NEGR1: variants seen among roughly 807,000 people sequenced by gnomAD.
The protein encoded by NEGR1 is IgLON family member 4.
In NEGR1, 10 loss-of-function variants were observed where a neutral mutation model predicts 40.9. That is an observed-to-expected ratio of 0.24 (90% CI 0.15 to 0.42). The LOEUF is 0.42. NEGR1 is among the 10% of genes least tolerant of loss of function. The pLI is 1.00. For missense variants in NEGR1, 352 were observed against 438.9 expected (o/e 0.80, Z 1.77); for synonymous variants, 185 against 166.8 (o/e 1.11, Z -0.84).
Position 71,601,308 on chromosome 1 carries a change from C to CA in NEGR1, c.789-8341dup, listed in dbSNP as rs550149856. On this transcript the variant is annotated intron_variant, in intron 5 of 6. Transcript: ENST00000357731. ...GTCAAAATGGCTATTATTAAAAAGT[C>CA]AAAAAAACAACAGATGTTGGTGTGG... Among the ~76,000 whole-genome samples the CA allele has an allele frequency of 4.8e-3, 733 of 151,948 alleles. 11 individuals are homozygous for CA. The highest frequency in any genetic ancestry group is 0.017 in the African/African-American group (709 of 41,444).
At chr1:72,190,396 C>G (rs1311113323) in intron 1 of NEGR1, among the ~76,000 whole-genome samples, 3 of 151,416 alleles carry the variant, frequency 2.0e-5, no homozygotes, top group Non-Finnish European at 4.4e-5. Flanking sequence ...CATGAAATCC[C>G]TTGATAATTG....
At chr1:72,250,948 C>A (rs1308758719) in intron 1 of NEGR1, among the ~76,000 whole-genome samples, 3 of 152,110 alleles carry the variant, frequency 2.0e-5, no homozygotes, top group Non-Finnish European at 4.4e-5. Flanking sequence ...GTACTACTGC[C>A]CAGCATGCTA....
chr1:71,703,225 T>C (rs1388358640), intron 3 of NEGR1: 3 of 152,126 alleles, frequency 2.0e-5, no homozygotes, highest in African/African-American at 7.2e-5. Flanking sequence ...CTTAGTTGTA[T>C]GGCTGAATAA....
chr1:72,168,487 C>T (rs1341448731), intron 1 of NEGR1, among the ~76,000 whole-genome samples: 1 of 151,988 alleles, frequency 6.6e-6, no homozygotes, highest in Non-Finnish European at 1.5e-5. Flanking sequence ...GGTGGGTTTT[C>T]TTCAAGTTAA....
At chr1:71,598,396 T>A (rs1372320880) in intron 5 of NEGR1, among the ~76,000 whole-genome samples, 1 of 152,180 alleles carries the variant, frequency 6.6e-6, no homozygotes, top group African/African-American at 2.4e-5. Flanking sequence ...ACTAAAAAAA[T>A]GATACTATCT....
intron 6 of NEGR1, among the ~76,000 whole-genome samples, chr1:71,531,794 G>A (rs1210704373): frequency 1.3e-5 from 2 of 151,414 alleles, no homozygotes; most frequent in Non-Finnish European, 3.0e-5. Context: ...GTTATATTAT[G>A]AGATTCTTTA....
chr1:71,496,466 C>T (rs1243263321), intron 6 of NEGR1, among the ~76,000 whole-genome samples: 1 of 151,898 alleles, frequency 6.6e-6, no homozygotes, highest in Admixed American at 6.6e-5. Context: ...TATTCGTTGG[C>T]CAGAAGTTTG....
intron 1 of NEGR1, among the ~76,000 whole-genome samples, chr1:71,955,059 A>G (rs1646108256): frequency 6.6e-6 from 1 of 152,178 alleles, no homozygotes; most frequent in Non-Finnish European, 1.5e-5. Flanking sequence ...ATTTAACCTC[A>G]ATTCCAACTG....
At chr1:71,562,628 A>G (rs939535040) in intron 6 of NEGR1, among the ~76,000 whole-genome samples, 1 of 151,970 alleles carries the variant, frequency 6.6e-6, no homozygotes, top group African/African-American at 2.4e-5. Context: ...TTAAAAATGT[A>G]TGAAATTACT....
chr1:72,056,317 A>T (rs1647109882), intron 1 of NEGR1, among the ~76,000 whole-genome samples: 1 of 151,324 alleles, frequency 6.6e-6, no homozygotes, highest in South Asian at 2.1e-4. Context: ...GGAATGAAAA[A>T]TTTATTTTTC....
At position 72,135,382 on chromosome 1, in the gene NEGR1, A is replaced by C. The variant is rs866625657; in HGVS notation, c.176+146937T>G. The stretch of plus-strand genomic sequence containing the variant: ...CAGAGCGAGACTCCGTCTCAAAAAA[A>C]AAAAAAACAAAAAACAAAAAACAAA... On this transcript the variant is annotated intron_variant, in intron 1 of 6. Transcript: ENST00000357731. Among the ~76,000 whole-genome samples the C allele has an allele frequency of 2.8e-3, 401 of 142,032 alleles. 1 individual carries two copies. The highest frequency in any genetic ancestry group is 9.9e-3 in the African/African-American group (383 of 38,536). The allele number at this position is 142,032 out of a possible 152,430, so 93.2% of individuals were successfully genotyped here.
chr1:72,077,829 G>T (rs2100521662), intron 1 of NEGR1, among the ~76,000 whole-genome samples: 1 of 151,842 alleles, frequency 6.6e-6, no homozygotes, highest in African/African-American at 2.4e-5. Context: ...AAAAGAAAAA[G>T]GGGATGAAAA....
At chr1:72,093,419 CA>C (rs943625103) in intron 1 of NEGR1, among the ~76,000 whole-genome samples, 1 of 151,570 alleles carries the variant, frequency 6.6e-6, no homozygotes, top group African/African-American at 2.4e-5. Flanking sequence ...AATATTCTCT[CA>C]AAAAACTTAT....
intron 2 of NEGR1, among the ~76,000 whole-genome samples, chr1:71,882,484 A>G (rs1037537574): frequency 3.3e-5 from 5 of 152,142 alleles, no homozygotes; most frequent in African/African-American, 1.2e-4. Flanking sequence ...GAGAGTTAAC[A>G]GAAAATTTAT....
At chr1:71,478,426 C>T (rs1646835133) in intron 6 of NEGR1, among the ~76,000 whole-genome samples, 1 of 151,992 alleles carries the variant, frequency 6.6e-6, no homozygotes, top group African/African-American at 2.4e-5. Flanking sequence ...CACTATCATA[C>T]AAAACAACAT....
chr1:72,013,122 G>A (rs1162373165), intron 1 of NEGR1, among the ~76,000 whole-genome samples: 1 of 151,596 alleles, frequency 6.6e-6, no homozygotes, highest in Non-Finnish European at 1.5e-5. Flanking sequence ...TCTTTTTAGG[G>A]GTAATAAATT....
Position 72,167,945 on chromosome 1 carries a change from T to G in NEGR1, c.176+114374A>C, listed in dbSNP as rs554935156. Among the ~76,000 whole-genome samples the G allele has an allele frequency of 1.1e-3, 162 of 151,928 alleles. 1 individual carries two copies. The highest frequency in any genetic ancestry group is 3.6e-3 in the African/African-American group (150 of 41,506). On this transcript the variant is annotated intron_variant, in intron 1 of 6. Coordinates refer to ENST00000357731, the MANE Select transcript of NEGR1 (RefSeq NM_173808.3). Reference sequence around the variant, plus strand: ...GACTTTGTAAAAATTTTACAAAAAGTCTGTACCAGAAATAGACAAATAATG... The same window carrying G: ...GACTTTGTAAAAATTTTACAAAAAGGCTGTACCAGAAATAGACAAATAATG...
At chr1:71,941,111 C>A (rs1645955068) in intron 1 of NEGR1, among the ~76,000 whole-genome samples, 2 of 152,150 alleles carry the variant, frequency 1.3e-5, no homozygotes, top group Admixed American at 1.3e-4. Context: ...GACTTACCAG[C>A]TACCTTTACT....
intron 6 of NEGR1, among the ~76,000 whole-genome samples, chr1:71,469,657 T>G (rs1646769238): frequency 3.3e-5 from 5 of 152,092 alleles, no homozygotes; most frequent in Middle Eastern, 3.4e-3. Context: ...TGGGACAGAG[T>G]GAAAGGGACA....
Sources: gnomAD v4.1 joint callset for allele counts (sites outside exome capture counted in the v4.1 genomes callset) on GRCh38, gnomAD v4.1.1 for gene constraint, MANE v1.5 for transcripts, NCBI Gene and HGNC (gene_info 2026-07-23, HGNC 2026-07-21) for gene names.